DPF1: variants seen among roughly 807,000 people sequenced by gnomAD.
The protein encoded by DPF1 is double PHD fingers 1, also known as zinc finger protein neuro-d4.
Under a neutral mutation model 58.7 loss-of-function variants are expected in DPF1, and 14 were observed. That is an observed-to-expected ratio of 0.24 (90% CI 0.16 to 0.37). DPF1 has a LOEUF of 0.37. Ranked by LOEUF, DPF1 falls within the 10% of genes least tolerant of loss-of-function variation. The probability of loss-of-function intolerance (pLI) is 1.00; values close to 1 mark genes in which losing one functional copy is unlikely to be tolerated. For synonymous variants in DPF1, 216 were observed against 216.0 expected (o/e 1.00, Z 0.00); for missense variants, 345 against 529.9 (o/e 0.65, Z 3.43).
intron 1 of DPF1, 138 bp downstream of exon 1, chr19:38,223,972 ACACT>A (rs1379603539): frequency 7.0e-6 from 8 of 1,142,888 alleles, no homozygotes; most frequent in African/African-American, 4.9e-5. Flanking sequence ...CCACAGTCAC[ACACT>A]CTCGCACCCC....
intron 7 of DPF1, 37 bp from the exon 8 acceptor site, chr19:38,216,440 C>T: frequency 2.6e-6 from 4 of 1,546,922 alleles, no homozygotes; most frequent in Non-Finnish European, 3.5e-6. Context: ...ACTCTCACCA[C>T]AGGCAAGGCT....
intron 10 of DPF1, 69 bp downstream of exon 10, chr19:38,213,575 T>C (rs1973620133): frequency 7.1e-7 from 1 of 1,402,322 alleles, no homozygotes; most frequent in African/African-American, 1.4e-5. Context: ...GGCTTTAGGC[T>C]TAAGGGGCAG....
At chr19:38,224,717 C>A (rs1399887436), upstream of DPF1, among the ~76,000 whole-genome samples, 1 of 152,164 alleles carries the variant, frequency 6.6e-6, no homozygotes, top group African/African-American at 2.4e-5. This position sits in a 1 kb window ranked among gnomAD's most constrained non-coding sequence, Gnocchi z 4.5. Flanking sequence ...CCAGCAGCCA[C>A]GCTCACGGTC....
chr19:38,223,922 G>T, intron 1 of DPF1, 192 bp downstream of exon 1: 1 of 685,468 alleles, frequency 1.5e-6, no homozygotes, highest in East Asian at 3.5e-5. Flanking sequence ...CCTCCACCCC[G>T]CCAGGGAGCG....
At chr19:38,217,339 G>A (rs1380874179) in intron 7 of DPF1, 121 bp downstream of exon 7, 2 of 1,354,672 alleles carry the variant, frequency 1.5e-6, no homozygotes, top group Non-Finnish European at 2.0e-6. Context: ...GTGGGGGGAG[G>A]GAACGGCTGA....
In DPF1 at chr19:38,216,150, A is replaced by G. The variant is rs1226789881; in HGVS notation, c.888T>C (p.Cys296=). Residue 296 remains cysteine (C), a synonymous_variant, in exon 9 of 12, where the codon TGT becomes TGC. Transcript: ENST00000355526. ...CPEDLISCAD[C]GRSGHPSCLQ... ...GGTGGGGAGCATCACCTGATCGCCC[A>G]CAGTCCGCACAGGAGATGAGGTCCT... The G allele has an allele frequency of 6.2e-7, 1 of 1,613,116 alleles. No homozygotes were observed. The highest frequency in any genetic ancestry group is 1.3e-5 in the African/African-American group (1 of 74,872).
Position 38,218,676 on chromosome 19 carries a change from A to G in DPF1, c.427-14T>C. ...CAACTGCTGTTTCTGGGCAATAGAG[A>G]AAGGAGACGGGTCAAGAAAGTGGGG... On this transcript the variant is annotated splice_polypyrimidine_tract_variant and intron_variant, in intron 4 of 11. Transcript: ENST00000355526. The G allele has an allele frequency of 6.2e-7, 1 of 1,614,094 alleles. No homozygotes were observed. The highest frequency in any genetic ancestry group is 8.5e-7 in the Non-Finnish European group (1 of 1,179,952).
Position 38,216,395 on chromosome 19 carries a change from T to C in DPF1, c.736A>G (p.Lys246Glu). The C allele has an allele frequency of 3.1e-6, 5 of 1,589,430 alleles. No homozygotes were observed. Among genetic ancestry groups the C allele is most frequent in the Non-Finnish European group, 4.3e-6 (5 of 1,167,170 alleles). Residue 246 changes from lysine (K) to glutamate (E), a missense_variant, in exon 8 of 12, where the codon AAA becomes GAA. By Grantham distance (56) the Lys-to-Glu change is moderately conservative (BLOSUM62 1). Transcript: ENST00000355526. Reference sequence around the variant, plus strand: ...GCCTCAGGGACCCAGGCCAATTCTTTGTAAAACTCTGGGGTAGGGGGGACA... The same window carrying C: ...GCCTCAGGGACCCAGGCCAATTCTTCGTAAAACTCTGGGGTAGGGGGGACA... ...HRKNNHKQFY[K>E]ELAWVPEAQR...
In DPF1 at chr19:38,213,650, C is replaced by T. The variant is rs776554728; in HGVS notation, c.1005G>A (p.Glu335=). The part of the protein sequence containing the change: ...CKSCSLCGTS[E]NDDQLLFCDD... ...GGGGGCGGGCGGCACTCACGTCGTT[C>T]TCGGAGGTTCCGCACAGGCTGCAGG... The change falls in exon 10 of 12, where the codon GAG becomes GAA. Residue 335 remains glutamate, a synonymous_variant. Transcript: ENST00000355526. The T allele has an allele frequency of 1.1e-5, 17 of 1,612,724 alleles. No homozygotes were observed. The South Asian group carries it at 1.8e-4, about 17-fold the overall frequency.
At chr19:38,220,622 A>T (rs1043601339) in intron 3 of DPF1, among the ~76,000 whole-genome samples, 1 of 151,620 alleles carries the variant, frequency 6.6e-6, no homozygotes, top group African/African-American at 2.4e-5. Context: ...TCTCAAAAAA[A>T]AAAAAGAAAA....
chr19:38,216,838 CCCAG>C (rs879680155), intron 7 of DPF1, among the ~76,000 whole-genome samples: 3 of 152,196 alleles, frequency 2.0e-5, no homozygotes, highest in Non-Finnish European at 4.4e-5. Context: ...ATACATGTCT[CCCAG>C]CCAGCCACTC....
chr19:38,225,409 A>T (rs890698083), upstream of DPF1, among the ~76,000 whole-genome samples: 55 of 152,052 alleles, frequency 3.6e-4, 1 homozygote, highest in Non-Finnish European at 1.0e-4. Flanking sequence ...GTCTACAAAA[A>T]AAAATTAAAA....
At chr19:38,218,363 T>A (rs892234047) in intron 5 of DPF1, among the ~76,000 whole-genome samples, 1 of 152,186 alleles carries the variant, frequency 6.6e-6, no homozygotes, top group African/African-American at 2.4e-5. Flanking sequence ...CACTGCATAA[T>A]CTCTGCTTTG....
chr19:38,225,490 A>G (rs1048301683), upstream of DPF1, among the ~76,000 whole-genome samples: 1 of 151,918 alleles, frequency 6.6e-6, no homozygotes, highest in Non-Finnish European at 1.5e-5. Flanking sequence ...GATAGCTTGA[A>G]CCTGGGAGGC....
chr19:38,214,535 C>G (rs951605387), intron 9 of DPF1, among the ~76,000 whole-genome samples: 1 of 152,210 alleles, frequency 6.6e-6, no homozygotes, highest in African/African-American at 2.4e-5. Context: ...CCATGGGAAA[C>G]CACATTCTGT....
upstream of DPF1, among the ~76,000 whole-genome samples, chr19:38,226,993 T>TCTTC (rs71179424): frequency 0.3 from 21,553 of 71,302 alleles, 2,041 homozygotes; most frequent in Middle Eastern, 0.37. Context: ...CTTTTATTTC[T>TCTTC]CTTCCTTCCT....
upstream of DPF1, among the ~76,000 whole-genome samples, chr19:38,226,503 T>TAC (rs60328056): frequency 0.044 from 5,945 of 133,676 alleles, 144 homozygotes; most frequent in Middle Eastern, 0.06. Context: ...CGGTCACTTC[T>TAC]ACACACACAC....
rs1344326227 is a variant in DPF1, at chr19:38,217,568, G to A, written c.619C>T (p.Arg207Trp). ...CDICGKRYKN[R>W]PGLSYHYTHT... ...GTGTAGTGGTAGCTGAGCCCCGGCCGGTTCTTATACCGTTTCCCACAGACT... is the reference window on the plus strand; with the variant it reads ...GTGTAGTGGTAGCTGAGCCCCGGCCAGTTCTTATACCGTTTCCCACAGACT... The change falls in exon 7 of 12, where the codon CGG (arginine) becomes TGG (tryptophan). Residue 207 changes from arginine (R) to tryptophan (W), a missense_variant. Coordinates refer to ENST00000355526, the MANE Select transcript of DPF1 (RefSeq NM_001135155.3). 1 of 1,551,270 alleles carries A rather than the reference G, an allele frequency of 6.4e-7. No individual in the cohort carries two copies.
intron 7 of DPF1, 136 bp downstream of exon 7, chr19:38,217,324 G>T: frequency 8.2e-7 from 1 of 1,218,544 alleles, no homozygotes; most frequent in African/African-American, 1.5e-5. Context: ...GCATCCCCAT[G>T]GTCGGTGGGG....
Sources: gnomAD v4.1 joint callset for allele counts (sites outside exome capture counted in the v4.1 genomes callset) on GRCh38, gnomAD v4.1.1 for gene constraint, Gnocchi (gnomAD v3.1) non-coding constraint, MANE v1.5 for transcripts, NCBI Gene and HGNC (gene_info 2026-07-23, HGNC 2026-07-21) for gene names.